SYCP2: variants seen among roughly 807,000 people sequenced by gnomAD.
SYCP2 encodes the protein synaptonemal complex protein 2.
SYCP2 carries 55 observed loss-of-function variants against 211.3 expected under a neutral mutation model. That is an observed-to-expected ratio of 0.26 (90% CI 0.21 to 0.33). The LOEUF (loss-of-function observed/expected upper bound fraction) is 0.33, where lower values mean the gene tolerates loss of function less well. Among genes scored for constraint, SYCP2 ranks in the 10% least tolerant of loss-of-function variants. SYCP2 has a pLI of 1.00. For missense variants in SYCP2, 1,731 were observed against 1,752.0 expected (o/e 0.99, Z 0.21); for synonymous variants, 570 against 555.2 (o/e 1.03, Z -0.37).
intron 1 of SYCP2, among the ~76,000 whole-genome samples, chr20:59,932,546 G>A (rs114416778): frequency 0.027 from 4,145 of 152,168 alleles, 197 homozygotes; most frequent in African/African-American, 0.094. Flanking sequence ...GTGGTGGCGC[G>A]CCAAGTAGTC....
chr20:59,878,925 T>C (rs1343793820), intron 31 of SYCP2, among the ~76,000 whole-genome samples: 1 of 152,208 alleles, frequency 6.6e-6, no homozygotes, highest in East Asian at 1.9e-4. Flanking sequence ...CCTCTAATCT[T>C]GGCAATAAGT....
In SYCP2 at chr20:59,900,725, A is replaced by C; in HGVS notation, c.1257+19T>G. The C allele has an allele frequency of 6.2e-7, 1 of 1,605,872 alleles. No individual in the cohort carries two copies. Among genetic ancestry groups the C allele is most frequent in the South Asian group, 1.1e-5 (1 of 90,542 alleles). Reference sequence around the variant, plus strand: ...TAAACTTAGCCCAGTGATAAAAATCAAGTAAGTCTGAGACATACCTGTGAT... The same window carrying C: ...TAAACTTAGCCCAGTGATAAAAATCCAGTAAGTCTGAGACATACCTGTGAT... On this transcript the variant is annotated intron_variant, in intron 17 of 44. Coordinates refer to ENST00000357552, the MANE Select transcript of SYCP2 (RefSeq NM_014258.4).
intron 18 of SYCP2, among the ~76,000 whole-genome samples, 163 bp from the exon 19 acceptor site, chr20:59,896,691 A>G (rs2060015284): frequency 6.6e-6 from 1 of 152,178 alleles, no homozygotes; most frequent in Non-Finnish European, 1.5e-5. Context: ...GCTGATATGA[A>G]AGGTTCATCT....
intron 15 of SYCP2, among the ~76,000 whole-genome samples, chr20:59,902,871 T>C (rs1248517133): frequency 6.6e-6 from 1 of 152,094 alleles, no homozygotes; most frequent in African/African-American, 2.4e-5. Flanking sequence ...GAGATGCAAA[T>C]TTAGGTGGCT....
rs1199672576 is a variant in SYCP2 at position 59,869,882 on chromosome 20, A to G, written c.3657T>C (p.Asp1219=). 1 of 1,605,546 alleles carries G rather than the reference A, an allele frequency of 6.2e-7. No individual in the cohort carries two copies. The highest frequency in any genetic ancestry group is 1.1e-5 in the South Asian group (1 of 90,794). ...GTTCTTCTGAACTATAACTGCTTAC[A>G]TCTGAATAGCTGTTACTGTTTTGTG... The part of the protein sequence containing the change: ...QETQNSNSYS[D]VSSYSSEERF... Residue 1219 remains aspartate (D), a synonymous_variant, in exon 36 of 45, where the codon GAT becomes GAC. Transcript: ENST00000357552.
chr20:59,900,712 A>G, intron 17 of SYCP2, 32 bp downstream of exon 17: 1 of 1,561,844 alleles, frequency 6.4e-7, no homozygotes, highest in Non-Finnish European at 8.8e-7. Flanking sequence ...AACTTAGCCC[A>G]GTGATAAAAA....
rs1305504819 is a variant in SYCP2, at chr20:59,864,166, CA to C, written c.*144del. Reference sequence around the variant, plus strand: ...TGGTTCCCTCTCATCCATTAAAAGACATTTTTTTTTAATTTGAGGGTTCCTA... The same window carrying C: ...TGGTTCCCTCTCATCCATTAAAAGACTTTTTTTTTAATTTGAGGGTTCCTA... On this transcript the variant is annotated 3_prime_UTR_variant, in exon 45 of 45. Transcript: ENST00000357552. 2.3e-4 allele frequency: 120 copies of C among 516,168 alleles called. No homozygotes were observed. The highest frequency in any genetic ancestry group is 2.1e-3 in the African/African-American group (107 of 50,122). 32.0% of individuals were successfully genotyped at this position (516,168 alleles called of 1,614,324 possible). A position where few individuals can be genotyped will look rare whatever the true frequency, so the allele number is the denominator to read the frequency against.
Position 59,919,492 on chromosome 20 carries a change from CCAG to C in SYCP2, c.400_402del (p.Leu134del). ...ATCAGTGTAATCAATGTGATTTTTA[CCAG>C]CAGAAGATCAACTAAGTCTTCTATC... On this transcript the variant is annotated inframe_deletion and splice_region_variant, in exon 6 of 45. Coordinates refer to ENST00000357552, the MANE Select transcript of SYCP2 (RefSeq NM_014258.4). 1 of 1,561,560 alleles carries C rather than the reference CCAG, an allele frequency of 6.4e-7. No individual in the cohort carries two copies. The highest frequency in any genetic ancestry group is 2.3e-5 in the East Asian group (1 of 44,324).
At chr20:59,875,223 A>G in intron 34 of SYCP2, 48 bp downstream of exon 34, 1 of 1,215,794 alleles carries the variant, frequency 8.2e-7, no homozygotes, top group African/African-American at 1.5e-5. Flanking sequence ...TTAGAGTTAT[A>G]GAAAACTATT....
intron 44 of SYCP2, 125 bp downstream of exon 44, chr20:59,865,263 T>A (rs778723562): frequency 1.4e-6 from 1 of 711,114 alleles, no homozygotes; most frequent in African/African-American, 1.8e-5. Context: ...CTAAAAGTAA[T>A]TGGGCTAAAA....
chr20:59,890,330 T>C (rs966442401), intron 24 of SYCP2, among the ~76,000 whole-genome samples: 6 of 152,046 alleles, frequency 3.9e-5, no homozygotes, highest in Non-Finnish European at 4.4e-5. Context: ...TTCTCACTCA[T>C]AAGTGGGAGT....
At chr20:59,882,794 G>C (rs1040496130) in intron 26 of SYCP2, among the ~76,000 whole-genome samples, 2 of 151,946 alleles carry the variant, frequency 1.3e-5, no homozygotes, top group Admixed American at 6.6e-5. Flanking sequence ...GAAGGAGTAG[G>C]GGGGGAACTA....
intron 26 of SYCP2, among the ~76,000 whole-genome samples, chr20:59,883,790 A>G (rs2059732721): frequency 6.6e-6 from 1 of 152,052 alleles, no homozygotes; most frequent in Non-Finnish European, 1.5e-5. Flanking sequence ...GAACATGAGG[A>G]CTATTAATAG....
chr20:59,903,537 A>G (rs913051744), intron 15 of SYCP2, among the ~76,000 whole-genome samples: 4 of 152,076 alleles, frequency 2.6e-5, no homozygotes, highest in Non-Finnish European at 5.9e-5. Flanking sequence ...GAACTGATGG[A>G]GCAAAGACTT....
At chr20:59,892,726 A>C in intron 22 of SYCP2, 25 bp from the exon 23 acceptor site, 1 of 1,592,948 alleles carries the variant, frequency 6.3e-7, no homozygotes, top group Non-Finnish European at 8.5e-7. Context: ...AATTTGCTTA[A>C]TGTTACAAAA....
At chr20:59,907,699 G>A (rs1016109453) in intron 14 of SYCP2, among the ~76,000 whole-genome samples, 1 of 151,958 alleles carries the variant, frequency 6.6e-6, no homozygotes, top group East Asian at 1.9e-4. Flanking sequence ...TTTATTAGAG[G>A]ATACCCTTTT....
Position 59,921,334 on chromosome 20 carries a change from G to A in SYCP2, c.144C>T (p.His48=). 6.2e-7 allele frequency: 1 copy of A among 1,606,608 alleles called. No individual in the cohort carries two copies. Among genetic ancestry groups the A allele is most frequent in the East Asian group, 2.2e-5 (1 of 44,502 alleles). Residue 48 remains histidine, a synonymous_variant, in exon 4 of 45, where the codon CAC becomes CAT. Coordinates refer to ENST00000357552, the MANE Select transcript of SYCP2 (RefSeq NM_014258.4). ...CCCTGCATATAAGGTTGTCCACCTT[G>A]TGGAAAAACTGTTTGCTGCATTTAA... ...VKIKCSKQFF[H]KVDNLICREL...
Position 59,868,785 on chromosome 20 carries a change from C to T in SYCP2, c.3832+50G>A, listed in dbSNP as rs565195771. ...CATAATTCCTTTAGTTGAAATGTCA[C>T]GTAGCATTTCAGTAATCATTTTTTA... On this transcript the variant is annotated intron_variant, in intron 37 of 44. Coordinates refer to ENST00000357552, the MANE Select transcript of SYCP2 (RefSeq NM_014258.4). The T allele has an allele frequency of 1.8e-5, 26 of 1,462,336 alleles. 1 individual carries two copies. The highest frequency in any genetic ancestry group is 1.2e-4 in the South Asian group (10 of 81,332). 90.6% of individuals were successfully genotyped at this position (1,462,336 alleles called of 1,614,324 possible). A position where few individuals can be genotyped will look rare whatever the true frequency, so the allele number is the denominator to read the frequency against.
intron 14 of SYCP2, among the ~76,000 whole-genome samples, chr20:59,910,919 G>T (rs1381532161): frequency 1.3e-5 from 2 of 151,918 alleles, no homozygotes; most frequent in Non-Finnish European, 2.9e-5. Context: ...TCAATTTTAA[G>T]CATTCTAAGA....
Sources: gnomAD v4.1 joint callset for allele counts (sites outside exome capture counted in the v4.1 genomes callset) on GRCh38, gnomAD v4.1.1 for gene constraint, MANE v1.5 for transcripts, NCBI Gene and HGNC (gene_info 2026-07-23, HGNC 2026-07-21) for gene names.